The following FAM135B variants were observed in gnomAD, a reference collection of about 807,000 sequenced individuals.
FAM135B encodes family with sequence similarity 135 member B.
FAM135B carries 43 observed loss-of-function variants against 127.7 expected under a neutral mutation model. The observed-to-expected ratio is 0.34, with a 90% CI of 0.26 to 0.43. The LOEUF (loss-of-function observed/expected upper bound fraction) is 0.43, where lower values mean the gene tolerates loss of function less well. Ranked by LOEUF, FAM135B falls within the 20% of genes least tolerant of loss-of-function variation. The pLI, the probability that FAM135B is intolerant of heterozygous loss-of-function variation, is 1.00. For missense variants in FAM135B, 1,558 were observed against 1,725.6 expected (o/e 0.90, Z 1.72); for synonymous variants, 670 against 665.1 (o/e 1.01, Z -0.11).
chr8:138,319,240 G>C (rs2130934976), intron 2 of FAM135B, among the ~76,000 whole-genome samples: 1 of 152,190 alleles, frequency 6.6e-6, no homozygotes, highest in Non-Finnish European at 1.5e-5. Flanking sequence ...CCAACTAGCT[G>C]GGATTACAGG....
intron 1 of FAM135B, among the ~76,000 whole-genome samples, chr8:138,411,927 G>A (rs75437057): frequency 0.068 from 10,299 of 152,234 alleles, 538 homozygotes; most frequent in East Asian, 0.2. Context: ...CATGGATGCA[G>A]CTGGAGGCCA....
rs1453928547 is a variant in FAM135B at position 138,153,171 on chromosome 8, C to G, written c.1304G>C (p.Ser435Thr). Reference protein sequence around the residue: ...VYPNFDVPVTSPTIMNLKDKE... With the variant: ...VYPNFDVPVTTPTIMNLKDKE... ...GTCTTTCAGATTCATTATTGTAGGA[C>G]TTGTCACTGGAACATCAAAATTAGG... The change falls in exon 13 of 20, where the codon AGT (serine) becomes ACT (threonine). Residue 435 changes from serine (S) to threonine (T), a missense_variant. This residue lies in a region of FAM135B where 923 missense variants were observed against 865.3 expected (regional missense o/e 1.07). Coordinates refer to ENST00000395297, the MANE Select transcript of FAM135B (RefSeq NM_015912.4). 6.3e-7 allele frequency: 1 copy of G among 1,599,646 alleles called. No individual in the cohort carries two copies. Among genetic ancestry groups the G allele is most frequent in the South Asian group, 1.1e-5 (1 of 89,232 alleles).
chr8:138,442,122 T>G (rs1835810268), intron 1 of FAM135B, among the ~76,000 whole-genome samples: 1 of 150,996 alleles, frequency 6.6e-6, no homozygotes, highest in East Asian at 1.9e-4. Context: ...ACTGAGGGTC[T>G]TAAACTATTA....
intron 1 of FAM135B, chr8:138,477,456 T>C (rs967935621): frequency 1.1e-4 from 17 of 152,188 alleles, no homozygotes; most frequent in African/African-American, 3.9e-4. Context: ...AGATCCCTCT[T>C]ACCCTATGTT....
At chr8:138,255,455 A>G (rs4909413) in intron 5 of FAM135B, among the ~76,000 whole-genome samples, 138 of 152,278 alleles carry the variant, frequency 9.1e-4, no homozygotes, top group African/African-American at 3.2e-3. Context: ...CCCCTAGAAC[A>G]GTGGGAATGC....
chr8:138,324,773 C>G (rs16908822), intron 2 of FAM135B, among the ~76,000 whole-genome samples: 6,979 of 152,174 alleles, frequency 0.046, 479 homozygotes, highest in African/African-American at 0.15. Flanking sequence ...GACTCAAGCC[C>G]AAGAAATCTG....
chr8:138,197,427 T>A (rs2131133775), intron 8 of FAM135B, 89 bp downstream of exon 8: 1 of 1,488,878 alleles, frequency 6.7e-7, no homozygotes, highest in Non-Finnish European at 9.1e-7. Flanking sequence ...CTGTGACATT[T>A]ACAAAAGCAT....
rs537035814 is a variant in FAM135B, at chr8:138,318,650, A to T, written c.78-7730T>A. 2.6e-5 allele frequency among the ~76,000 whole-genome samples: 4 copies of T among 152,322 alleles called. No homozygotes were observed. The South Asian group carries it at 8.3e-4, about 32-fold the overall frequency. On this transcript the variant is annotated intron_variant, in intron 2 of 19. Coordinates refer to ENST00000395297, the MANE Select transcript of FAM135B (RefSeq NM_015912.4). The stretch of plus-strand genomic sequence containing the variant: ...AGAGATGGGTGTTTCCTTTTCCCTG[A>T]TACCCCTCATAGGAAGCACATTTTG...
intron 9 of FAM135B, among the ~76,000 whole-genome samples, chr8:138,186,194 CT>C (rs779733664): frequency 6.6e-5 from 10 of 152,208 alleles, no homozygotes; most frequent in Non-Finnish European, 1.3e-4. Context: ...GGTTCCAGTA[CT>C]GACCACATCA....
chr8:138,241,024 T>C lies in FAM135B; in HGVS notation c.669+1918A>G, dbSNP rs1008567967. ...CTCTGAGACTCTTCAGTCTCTACAA[T>C]GGGGTCTACTGAAACTCTGGGTGCC... On this transcript the variant is annotated intron_variant, in intron 7 of 19. Coordinates refer to ENST00000395297, the MANE Select transcript of FAM135B (RefSeq NM_015912.4). This position sits in a 1 kb window ranked among gnomAD's most constrained non-coding sequence, Gnocchi z 4.8. Among the ~76,000 whole-genome samples the C allele has an allele frequency of 1.3e-5, 2 of 152,124 alleles. No homozygotes were observed. Among genetic ancestry groups the C allele is most frequent in the Non-Finnish European group, 2.9e-5 (2 of 68,024 alleles).
intron 1 of FAM135B, chr8:138,477,272 G>C (rs1587545776): frequency 1.3e-5 from 2 of 152,184 alleles, no homozygotes; most frequent in Non-Finnish European, 2.9e-5. Flanking sequence ...TTGCCAGCCA[G>C]GATCATGTAA....
At chr8:138,244,610 T>C (rs1277541708) in intron 6 of FAM135B, among the ~76,000 whole-genome samples, 3 of 152,224 alleles carry the variant, frequency 2.0e-5, no homozygotes, top group Non-Finnish European at 4.4e-5. Context: ...GAATCATTGT[T>C]CTGATTTGTT....
chr8:138,157,852 T>C (rs1271758700), intron 12 of FAM135B, among the ~76,000 whole-genome samples: 1 of 152,150 alleles, frequency 6.6e-6, no homozygotes, highest in East Asian at 1.9e-4. Context: ...AGAATCAATA[T>C]TGTGAAAATG....
intron 2 of FAM135B, among the ~76,000 whole-genome samples, chr8:138,358,851 T>C (rs190063433): frequency 1.1e-4 from 17 of 152,222 alleles, no homozygotes; most frequent in African/African-American, 3.8e-4. Context: ...AGGAAGTATC[T>C]GGGCCCTGTG....
At chr8:138,142,288 C>CTTTTTTTTT (rs71316322) in intron 16 of FAM135B, among the ~76,000 whole-genome samples, 11 of 62,392 alleles carry the variant, frequency 1.8e-4, no homozygotes, top group Non-Finnish European at 3.5e-4. Context: ...TCTGCTTCTT[C>CTTTTTTTTT]TTTTTTTTTT....
intron 9 of FAM135B, among the ~76,000 whole-genome samples, chr8:138,186,680 A>T (rs978324721): frequency 6.6e-6 from 1 of 152,210 alleles, no homozygotes; most frequent in Non-Finnish European, 1.5e-5. Context: ...TGCTTTGTAT[A>T]AAGTAAAGCC....
chr8:138,205,507 G>C (rs1817485971), intron 7 of FAM135B, among the ~76,000 whole-genome samples: 1 of 152,124 alleles, frequency 6.6e-6, no homozygotes, highest in African/African-American at 2.4e-5. Flanking sequence ...GAAAAGCAAA[G>C]CCTCTTGTGC....
At chr8:138,174,945 A>G (rs372719357) in intron 11 of FAM135B, among the ~76,000 whole-genome samples, 1 of 152,208 alleles carries the variant, frequency 6.6e-6, no homozygotes. Flanking sequence ...TCACTGTTGA[A>G]TATCCAGCAC....
At chr8:138,254,041 C>G (rs927536343) in intron 5 of FAM135B, among the ~76,000 whole-genome samples, 3 of 152,154 alleles carry the variant, frequency 2.0e-5, no homozygotes, top group African/African-American at 7.2e-5. Flanking sequence ...GAAGCCTGGC[C>G]TCACTTCCAA....
Sources: allele counts gnomAD v4.1 joint callset (sites outside exome capture counted in the v4.1 genomes callset), GRCh38; gene constraint gnomAD v4.1.1; regional missense constraint gnomAD v4.1.1; non-coding constraint Gnocchi (gnomAD v3.1); transcripts MANE v1.5; gene names NCBI Gene and HGNC (gene_info 2026-07-23, HGNC 2026-07-21).